CHST10: variants seen among roughly 807,000 people sequenced by gnomAD.
CHST10 encodes HNK-1 sulfotransferase.
A neutral mutation model predicts 34.7 loss-of-function variants in CHST10; 24 were observed. The observed-to-expected ratio is 0.69, with a 90% confidence interval of 0.50 to 0.97. CHST10 has a LOEUF of 0.97. Among genes scored for constraint, CHST10 ranks in the 50% least tolerant of loss-of-function variants. The pLI is 0.00. For missense variants in CHST10, 402 were observed against 452.1 expected, an observed-to-expected ratio of 0.89 and a Z score of 1.00; for synonymous variants, 161 against 169.3, an observed-to-expected ratio of 0.95 and a Z score of 0.38.
intron 2 of CHST10, 48 bp downstream of exon 2, chr2:100,414,993 G>C: frequency 8.1e-7 from 1 of 1,234,454 alleles, no homozygotes; most frequent in Non-Finnish European, 1.1e-6. Flanking sequence ...GAACAATACT[G>C]AATGGCATGC....
At chr2:100,398,541 T>C (rs1675182454) in intron 4 of CHST10, among the ~76,000 whole-genome samples, 1 of 152,026 alleles carries the variant, frequency 6.6e-6, no homozygotes, top group Admixed American at 6.6e-5. Context: ...CCATCTCTAC[T>C]AAAAATACAA....
chr2:100,415,872 T>C (rs911939025), intron 1 of CHST10: 2 of 152,222 alleles, frequency 1.3e-5, no homozygotes, highest in South Asian at 2.1e-4. Context: ...CTAGGCTATA[T>C]GGTACAGCTG....
intron 4 of CHST10, among the ~76,000 whole-genome samples, 179 bp downstream of exon 4, chr2:100,402,385 G>A (rs914535963): frequency 6.6e-6 from 1 of 152,174 alleles, no homozygotes; most frequent in African/African-American, 2.4e-5. Context: ...AAAAATAGAC[G>A]TGACCTGTGC....
In CHST10 at chr2:100,395,548, G is replaced by A. The variant is rs1321472978; in HGVS notation, c.494C>T (p.Pro165Leu). 2 of 1,614,054 alleles carry A rather than the reference G, an allele frequency of 1.2e-6. No individual in the cohort carries two copies. Among genetic ancestry groups the A allele is most frequent in the East Asian group, 2.2e-5 (1 of 44,878 alleles). Residue 165 changes from proline (P) to leucine (L), a missense_variant, in exon 6 of 7, where the codon CCT becomes CTT. Coordinates refer to ENST00000264249, the MANE Select transcript of CHST10 (RefSeq NM_004854.5). ...VVHDHEKNGL[P>L]RLSSFSDAEI... ...TGCATCACTGAAGGAAGAGAGCCGA[G>A]GAAGGCCGTTCTTCTCGTGGTCGTG... is the stretch of plus-strand genomic sequence containing the variant.
Position 100,395,630 on chromosome 2 carries a change from AAAGG to A in CHST10, c.428-20_428-17del. 6.2e-7 allele frequency: 1 copy of A among 1,609,338 alleles called. No individual in the cohort carries two copies. Among genetic ancestry groups the A allele is most frequent in the South Asian group, 1.1e-5 (1 of 90,982 alleles). ...GAAAATGCTCCTGGGAAGTAAACGG[AAAGG>A]AAGGCAGGTTGGCTGCTCCAGTACG... On this transcript the variant is annotated splice_polypyrimidine_tract_variant and intron_variant, in intron 5 of 6. Transcript: ENST00000264249.
At chr2:100,413,471 G>A (rs974135730) in intron 2 of CHST10, among the ~76,000 whole-genome samples, 6 of 152,144 alleles carry the variant, frequency 3.9e-5, no homozygotes, top group African/African-American at 1.4e-4. Context: ...AGGATGAACT[G>A]GCAGCTGAAG....
At chr2:100,401,636 A>G (rs181730849) in intron 4 of CHST10, among the ~76,000 whole-genome samples, 1 of 151,922 alleles carries the variant, frequency 6.6e-6, no homozygotes, top group South Asian at 2.1e-4. Flanking sequence ...ACCCCATCCA[A>G]ATTATTTTCT....
intron 3 of CHST10, among the ~76,000 whole-genome samples, chr2:100,404,710 C>T (rs1451932607): frequency 1.3e-5 from 2 of 152,156 alleles, no homozygotes; most frequent in African/African-American, 4.8e-5. Flanking sequence ...GGCCATTCTG[C>T]CAGATAACAG....
In CHST10 at chr2:100,406,576, C is replaced by A. The variant is rs1675586610; in HGVS notation, c.100G>T (p.Val34Leu). Residue 34 changes from valine (V) to leucine (L), a missense_variant and splice_region_variant, in exon 3 of 7, where the codon GTG (valine) becomes TTG (leucine). Coordinates refer to ENST00000264249, the MANE Select transcript of CHST10 (RefSeq NM_004854.5). Reference sequence around the variant, plus strand: ...TCGTTCCACCATGAAGCATACGTACCATCTGGGTCTTTAAAGGTCAACGTG... The same window carrying A: ...TCGTTCCACCATGAAGCATACGTACAATCTGGGTCTTTAAAGGTCAACGTG... ...FITLTFKDPD[V>L]YSAKQEFLFL... 6.2e-7 allele frequency: 1 copy of A among 1,614,114 alleles called. No homozygotes were observed. Among genetic ancestry groups the A allele is most frequent in the Non-Finnish European group, 8.5e-7 (1 of 1,180,014 alleles).
At chr2:100,406,364 GGAGAT>G (rs1254404266) in intron 3 of CHST10, among the ~76,000 whole-genome samples, 1 of 152,188 alleles carries the variant, frequency 6.6e-6, no homozygotes. Flanking sequence ...TTCCTCCAGA[GGAGAT>G]GCTTGAAAAG....
At position 100,393,212 on chromosome 2, in the gene CHST10, A is replaced by G; in HGVS notation, c.*33T>C. ...TCTTCACCTGGTTAGCCCCAGGTCT[A>G]ATAAAGATATTTGAATTCATAGGTC... On this transcript the variant is annotated 3_prime_UTR_variant, in exon 7 of 7. Coordinates refer to ENST00000264249, the MANE Select transcript of CHST10 (RefSeq NM_004854.5). The G allele has an allele frequency of 6.2e-7, 1 of 1,605,336 alleles. No homozygotes were observed. Among genetic ancestry groups the G allele is most frequent in the Non-Finnish European group, 8.5e-7 (1 of 1,174,478 alleles).
intron 3 of CHST10, among the ~76,000 whole-genome samples, chr2:100,403,949 G>C (rs1009529933): frequency 6.6e-6 from 1 of 152,184 alleles, no homozygotes; most frequent in African/African-American, 2.4e-5. Context: ...CCAGGGGAGA[G>C]GCCTACACCA....
Position 100,402,552 on chromosome 2 carries a change from G to A in CHST10, c.192+12C>T, listed in dbSNP as rs368301942. The stretch of plus-strand genomic sequence containing the variant: ...TTCAAGAGGACAAGGACCACGGCCT[G>A]GCTGTGCCCACCTTCAGTTCCTCAG... On this transcript the variant is annotated intron_variant, in intron 4 of 6. Coordinates refer to ENST00000264249, the MANE Select transcript of CHST10 (RefSeq NM_004854.5). 700 of 1,611,736 alleles carry A rather than the reference G, an allele frequency of 4.3e-4. No homozygotes were observed. Among genetic ancestry groups the A allele is most frequent in the Non-Finnish European group, 5.5e-4 (646 of 1,178,498 alleles).
chr2:100,398,992 G>A (rs574781952), intron 4 of CHST10, among the ~76,000 whole-genome samples: 1 of 152,246 alleles, frequency 6.6e-6, no homozygotes, highest in African/African-American at 2.4e-5. Flanking sequence ...GGCATCCTGA[G>A]GGCATTCCTG....
chr2:100,401,246 C>T (rs1326131138), intron 4 of CHST10, among the ~76,000 whole-genome samples: 1 of 152,210 alleles, frequency 6.6e-6, no homozygotes. Context: ...CCAGTGAGCA[C>T]AGTTCCTTGA....
chr2:100,403,802 A>G (rs1315453421), intron 3 of CHST10, among the ~76,000 whole-genome samples: 1 of 152,188 alleles, frequency 6.6e-6, no homozygotes, highest in Admixed American at 6.5e-5. Flanking sequence ...ATAATCAAAA[A>G]CACCGTGAAC....
At chr2:100,397,627 G>A (rs1350625528) in intron 5 of CHST10, among the ~76,000 whole-genome samples, 1 of 152,194 alleles carries the variant, frequency 6.6e-6, no homozygotes, top group Non-Finnish European at 1.5e-5. Flanking sequence ...AGGGGGGCCT[G>A]GGGGTGGGCG....
At chr2:100,414,010 A>C (rs1675958936) in intron 2 of CHST10, among the ~76,000 whole-genome samples, 1 of 152,146 alleles carries the variant, frequency 6.6e-6, no homozygotes, top group South Asian at 2.1e-4. Flanking sequence ...TCCTACTAAC[A>C]GACATAGACG....
At chr2:100,395,360 G>A in intron 6 of CHST10, 149 bp downstream of exon 6, 1 of 607,000 alleles carries the variant, frequency 1.6e-6, no homozygotes, top group Non-Finnish European at 2.9e-6. Flanking sequence ...GGGGGGTGTA[G>A]CTTAGCTGCC....
Sources: allele counts gnomAD v4.1 joint callset (sites outside exome capture counted in the v4.1 genomes callset), GRCh38; gene constraint gnomAD v4.1.1; transcripts MANE v1.5; gene names NCBI Gene and HGNC (gene_info 2026-07-23, HGNC 2026-07-21).